Variants in NTN1 observed in about 807,000 individuals in gnomAD.
The protein encoded by NTN1 is netrin 1, also known as netrin-1.
A neutral mutation model predicts 54.2 loss-of-function variants in NTN1; 11 were observed. The observed-to-expected ratio is 0.20, with a 90% CI of 0.13 to 0.34. The LOEUF is 0.34. Ranked by LOEUF, NTN1 falls within the 10% of genes least tolerant of loss-of-function variation. The pLI, the probability that NTN1 is intolerant of heterozygous loss-of-function variation, is 1.00. For synonymous variants in NTN1, 371 were observed against 382.0 expected (o/e 0.97, Z 0.33); for missense variants, 740 against 893.1 (o/e 0.83, Z 2.18).
intron 6 of NTN1, among the ~76,000 whole-genome samples, chr17:9,226,932 C>G (rs879327474): frequency 2.6e-5 from 4 of 152,054 alleles, no homozygotes; most frequent in Admixed American, 2.6e-4. Flanking sequence ...CGCCAGGGAA[C>G]TGGAGCATCC....
At chr17:9,029,571 A>C (rs7223172) in intron 2 of NTN1, among the ~76,000 whole-genome samples, 116,483 of 152,210 alleles carry the variant, frequency 0.77, 44,777 homozygotes, top group African/African-American at 0.78. Context: ...CACCTCAAAG[A>C]TATCTGCTCT....
chr17:9,129,975 G>A (rs2092259370), intron 2 of NTN1, among the ~76,000 whole-genome samples: 1 of 152,186 alleles, frequency 6.6e-6, no homozygotes, highest in South Asian at 2.1e-4. Flanking sequence ...CATTGGATCT[G>A]GAGGAAGGGG....
At chr17:9,046,258 A>G (rs1185568224) in intron 2 of NTN1, among the ~76,000 whole-genome samples, 1 of 152,222 alleles carries the variant, frequency 6.6e-6, no homozygotes, top group Non-Finnish European at 1.5e-5. Context: ...TTTCCACAGA[A>G]GATACACAAA....
chr17:9,203,217 G>A lies in NTN1; in HGVS notation c.1412-17951G>A, dbSNP rs555007468. 1.5e-4 allele frequency among the ~76,000 whole-genome samples: 23 copies of A among 152,152 alleles called. No homozygotes were observed. The South Asian group carries it at 4.0e-3, about 26-fold the overall frequency. On this transcript the variant is annotated intron_variant, in intron 5 of 6. Transcript: ENST00000173229. ...ATTACAGGTGTGAGCCACCATGCCC[G>A]GCTGGTTTCATAATTTTCTGCCTCT... is the stretch of plus-strand genomic sequence containing the variant.
At chr17:9,008,903 T>A in the NTN1 span, among the ~76,000 whole-genome samples, 1 of 152,066 alleles carries the variant, frequency 6.6e-6, no homozygotes, top group South Asian at 2.1e-4. Context: ...TAGCTGGGCA[T>A]GGTGGTGGAT....
At chr17:9,131,785 C>T (rs995900078) in intron 2 of NTN1, among the ~76,000 whole-genome samples, 4 of 151,724 alleles carry the variant, frequency 2.6e-5, no homozygotes, top group African/African-American at 7.2e-5. Context: ...TTTCGCCATG[C>T]TGGCCCTTGA....
At chr17:9,058,637 C>CAAAAAAA (rs3053457) in intron 2 of NTN1, among the ~76,000 whole-genome samples, 24 of 58,902 alleles carry the variant, frequency 4.1e-4, no homozygotes, top group South Asian at 1.5e-3. Flanking sequence ...GGTAGGCACT[C>CAAAAAAA]AAAAAAAAAA....
chr17:9,013,726 C>A, the NTN1 span, among the ~76,000 whole-genome samples: 2 of 152,202 alleles, frequency 1.3e-5, no homozygotes, highest in Admixed American at 1.3e-4. Context: ...CCTTCAGAGT[C>A]TGTGTAACCG....
At chr17:9,137,800 A>T (rs1046250036) in intron 2 of NTN1, among the ~76,000 whole-genome samples, 3 of 152,146 alleles carry the variant, frequency 2.0e-5, no homozygotes, top group Non-Finnish European at 2.9e-5. Context: ...TCTCAAAAAA[A>T]AAAAAATAAA....
At chr17:9,113,363 G>C (rs939276868) in intron 2 of NTN1, among the ~76,000 whole-genome samples, 1 of 151,998 alleles carries the variant, frequency 6.6e-6, no homozygotes, top group East Asian at 1.9e-4. Context: ...ATAAAAAAAG[G>C]GTACATACTG....
At chr17:9,024,123 A>G (rs191147466) in intron 2 of NTN1, among the ~76,000 whole-genome samples, 1 of 152,326 alleles carries the variant, frequency 6.6e-6, no homozygotes, top group African/African-American at 2.4e-5. Flanking sequence ...AACAGTTTTG[A>G]ATTAACTAAG....
the NTN1 span, among the ~76,000 whole-genome samples, chr17:9,011,148 G>A: frequency 2.6e-5 from 4 of 152,184 alleles, no homozygotes; most frequent in African/African-American, 9.7e-5. Flanking sequence ...AGGTGGTAAT[G>A]CGAGCGATGG....
At chr17:9,202,536 A>C (rs1487446579) in intron 5 of NTN1, among the ~76,000 whole-genome samples, 3 of 152,118 alleles carry the variant, frequency 2.0e-5, no homozygotes, top group Non-Finnish European at 4.4e-5. Flanking sequence ...GTGAGAAGGT[A>C]GCAGAATTTG....
chr17:9,164,285 T>C (rs894728488), intron 3 of NTN1, among the ~76,000 whole-genome samples: 5 of 151,830 alleles, frequency 3.3e-5, no homozygotes, highest in African/African-American at 1.2e-4. Flanking sequence ...ATTAACTGGG[T>C]GTGGTGGCGG....
intron 2 of NTN1, among the ~76,000 whole-genome samples, chr17:9,046,047 TTGG>T (rs1439283853): frequency 4.3e-4 from 66 of 152,300 alleles, no homozygotes; most frequent in African/African-American, 1.6e-3. Context: ...AAAACATAAA[TTGG>T]ACTTTATCAA....
At chr17:9,193,939 A>AAAAAAC (rs1567734966) in intron 5 of NTN1, among the ~76,000 whole-genome samples, 18 of 81,832 alleles carry the variant, frequency 2.2e-4, no homozygotes, top group African/African-American at 6.7e-4. Context: ...AAAAAAAAAA[A>AAAAAAC]AAAAACATTA....
chr17:9,106,467 C>CCTTCCTCCCTTCCTTCCTT (rs2092166609), intron 2 of NTN1, among the ~76,000 whole-genome samples: 1 of 120,018 alleles, frequency 8.3e-6, no homozygotes, highest in Admixed American at 8.3e-5. Flanking sequence ...CTTCCTTCCT[C>CCTTCCTCCCTTCCTTCCTT]CCTTCCTTCC....
At chr17:9,023,897 C>T (rs1321259421) in intron 2 of NTN1, among the ~76,000 whole-genome samples, 1 of 152,248 alleles carries the variant, frequency 6.6e-6, no homozygotes, top group Non-Finnish European at 1.5e-5. Context: ...ACGAGTATCA[C>T]TCCTGCCCTC....
At chr17:9,093,001 G>A (rs1001398408) in intron 2 of NTN1, among the ~76,000 whole-genome samples, 6 of 151,920 alleles carry the variant, frequency 3.9e-5, no homozygotes, top group Admixed American at 6.6e-5. Context: ...CTTGTGATCC[G>A]CCCGCCTCGG....
Sources: gnomAD v4.1 joint callset for allele counts (sites outside exome capture counted in the v4.1 genomes callset) on GRCh38, gnomAD v4.1.1 for gene constraint, MANE v1.5 for transcripts, NCBI Gene and HGNC (gene_info 2026-07-23, HGNC 2026-07-21) for gene names.